The following MIOS variants were observed in gnomAD, a reference collection of about 807,000 sequenced individuals.
MIOS encodes GATOR2 complex protein MIOS.
A neutral mutation model predicts 96.9 loss-of-function variants in MIOS; 52 were observed. The ratio of observed to expected loss-of-function variants is 0.54; its 90% CI spans 0.43 to 0.68. The LOEUF (loss-of-function observed/expected upper bound fraction) is 0.68. MIOS is among the 30% of genes least tolerant of loss of function. The pLI is 0.00. For missense variants in MIOS, 1,005 were observed against 1,052.8 expected (o/e 0.95, Z 0.63); for synonymous variants, 397 against 359.5 (o/e 1.10, Z -1.18).
chr7:7,606,497 T>C (rs771389630), intron 12 of MIOS, among the ~76,000 whole-genome samples: 10 of 152,214 alleles, frequency 6.6e-5, no homozygotes, highest in Non-Finnish European at 1.2e-4. Context: ...TCAAGACATA[T>C]TTGAATTTCA....
intron 6 of MIOS, among the ~76,000 whole-genome samples, chr7:7,585,365 C>A (rs992369965): frequency 6.0e-5 from 9 of 150,120 alleles, no homozygotes; most frequent in African/African-American, 2.0e-4. Flanking sequence ...AAATGTTTTG[C>A]TTATTGTCTT....
intron 5 of MIOS, among the ~76,000 whole-genome samples, chr7:7,579,452 A>AT (rs1184205897): frequency 1.3e-5 from 2 of 152,144 alleles, no homozygotes; most frequent in African/African-American, 4.8e-5. Flanking sequence ...GCCCCATAAG[A>AT]TTTAATACTG....
At chr7:7,585,998 C>G (rs867854057) in intron 7 of MIOS, among the ~76,000 whole-genome samples, 193 bp downstream of exon 7, 20 of 151,810 alleles carry the variant, frequency 1.3e-4, no homozygotes, top group African/African-American at 4.6e-4. Flanking sequence ...AGTTAGTTAA[C>G]TGATACCAAA....
At chr7:7,603,468 T>G (rs986714262) in intron 11 of MIOS, among the ~76,000 whole-genome samples, 16 of 151,092 alleles carry the variant, frequency 1.1e-4, no homozygotes, top group African/African-American at 3.7e-4. Context: ...AAAATGTTCA[T>G]CATCACTGGC....
At chr7:7,568,147 A>G (rs944127601) in intron 3 of MIOS, 24 bp downstream of exon 3, 1 of 152,200 alleles carries the variant, frequency 6.6e-6, no homozygotes, top group Non-Finnish European at 1.5e-5. Context: ...TACAAGCTGT[A>G]ATTATTGCAG....
chr7:7,567,170 G>A (rs1477563319), intron 1 of MIOS, 98 bp downstream of exon 1: 1 of 152,050 alleles, frequency 6.6e-6, no homozygotes, highest in Non-Finnish European at 1.5e-5. Context: ...CGGGCGTCTC[G>A]GCGGGGAGCG....
At chr7:7,597,669 C>T (rs1279770619) in intron 11 of MIOS, among the ~76,000 whole-genome samples, 1 of 150,336 alleles carries the variant, frequency 6.7e-6, no homozygotes, top group African/African-American at 2.4e-5. Flanking sequence ...TATACATATA[C>T]ACACACACAC....
At position 7,573,266 on chromosome 7, in the gene MIOS, C is replaced by A. The variant is rs764149288; in HGVS notation, c.791C>A (p.Thr264Asn). 1.5e-5 allele frequency: 24 copies of A among 1,613,942 alleles called. No homozygotes were observed. Among genetic ancestry groups the A allele is most frequent in the Non-Finnish European group, 1.9e-5 (23 of 1,179,976 alleles). ...RKFEKPVLTL[T>N]EQPKPLTKVA... ...TTTGAGAAGCCAGTTTTGACATTGA[C>A]TGAGCAACCAAAACCCTTAACAAAA... The change falls in exon 4 of 13, where the codon ACT becomes AAT. Residue 264 changes from threonine (T) to asparagine (N), a missense_variant. This residue lies in a region of MIOS where 865 missense variants were observed against 887.9 expected (regional missense o/e 0.97). Transcript: ENST00000340080. The surrounding 1 kb of genome is among the most constrained non-coding windows in gnomAD (Gnocchi z 5.0).
rs1343630548 is a variant in MIOS at position 7,596,301 on chromosome 7, C to A, written c.2241C>A (p.Ser747Arg). 1.2e-6 allele frequency: 2 copies of A among 1,613,984 alleles called. No homozygotes were observed. Among genetic ancestry groups the A allele is most frequent in the African/African-American group, 2.7e-5 (2 of 74,888 alleles). ...TCTGTGGCAAGTCAATCTCCTACAG[C>A]TGTTCAGCTGTGCCTCATCAGGGCA... ...CNFCGKSISY[S>R]CSAVPHQGRG... The change falls in exon 11 of 13, where the codon AGC becomes AGA. Residue 747 changes from serine to arginine, a missense_variant. Coordinates refer to ENST00000340080, the MANE Select transcript of MIOS (RefSeq NM_019005.4).
At chr7:7,581,480 G>A (rs1477064128) in intron 5 of MIOS, among the ~76,000 whole-genome samples, 1 of 151,982 alleles carries the variant, frequency 6.6e-6, no homozygotes, top group Non-Finnish European at 1.5e-5. Flanking sequence ...ATTTCCATGG[G>A]TCAGGAGTCT....
chr7:7,606,409 A>G (rs1201292259), intron 12 of MIOS, among the ~76,000 whole-genome samples: 1 of 152,210 alleles, frequency 6.6e-6, no homozygotes, highest in East Asian at 1.9e-4. Flanking sequence ...TACTAATGAA[A>G]TGTTAAAAGA....
chr7:7,593,961 C>G (rs1210583531), intron 9 of MIOS, among the ~76,000 whole-genome samples: 1 of 151,278 alleles, frequency 6.6e-6, no homozygotes, highest in Non-Finnish European at 1.5e-5. Context: ...TCACAGCTGC[C>G]AGGGAAAATA....
At position 7,572,834 on chromosome 7, in the gene MIOS, C is replaced by T; in HGVS notation, c.359C>T (p.Ala120Val). ...PKHARQCNTL[A>V]WNPLDSNWLA... ...CATGCACGACAATGTAATACCCTTGCCTGGAATCCACTGGATAGTAACTGG... is the reference window on the plus strand; with the variant it reads ...CATGCACGACAATGTAATACCCTTGTCTGGAATCCACTGGATAGTAACTGG... The change falls in exon 4 of 13, where the codon GCC becomes GTC. Residue 120 changes from alanine (A) to valine (V), a missense_variant. Around this residue, in one of 3 missense-constraint regions of MIOS, gnomAD observed 137 missense variants for 148.6 expected, o/e 0.92. Coordinates refer to ENST00000340080, the MANE Select transcript of MIOS (RefSeq NM_019005.4). The surrounding 1 kb of genome is among the most constrained non-coding windows in gnomAD (Gnocchi z 4.8). The T allele has an allele frequency of 6.2e-7, 1 of 1,614,070 alleles. No individual in the cohort carries two copies. The highest frequency in any genetic ancestry group is 8.5e-7 in the Non-Finnish European group (1 of 1,179,982).
At chr7:7,602,822 C>G (rs562028988) in intron 11 of MIOS, among the ~76,000 whole-genome samples, 5 of 152,086 alleles carry the variant, frequency 3.3e-5, no homozygotes, top group African/African-American at 1.2e-4. Context: ...TCAAACTATA[C>G]TACAAGGCTA....
chr7:7,593,325 C>G (rs1784103186), intron 9 of MIOS, among the ~76,000 whole-genome samples: 1 of 152,136 alleles, frequency 6.6e-6, no homozygotes, highest in Admixed American at 6.5e-5. Flanking sequence ...GTAATTAACA[C>G]TGAATTTAAT....
Position 7,605,874 on chromosome 7 carries a change from C to G in MIOS, c.2402-68C>G, listed in dbSNP as rs552030260. 4.8e-6 allele frequency: 7 copies of G among 1,443,602 alleles called. No individual in the cohort carries two copies. In the South Asian group the frequency reaches 5.4e-5, roughly 11 times the overall value. The allele number at this position is 1,443,602 out of a possible 1,614,324, so 89.4% of individuals were successfully genotyped here. On this transcript the variant is annotated intron_variant, in intron 11 of 12. Coordinates refer to ENST00000340080, the MANE Select transcript of MIOS (RefSeq NM_019005.4). ...TATTTGGAACACAGTTTTAGAAATG[C>G]TTTTTGAAAGTAACTTTAAATAAAA...
intron 9 of MIOS, among the ~76,000 whole-genome samples, chr7:7,594,506 G>C (rs545179096): frequency 9.7e-4 from 147 of 152,216 alleles, no homozygotes; most frequent in African/African-American, 3.4e-3. Flanking sequence ...TGTTGGCCAG[G>C]CTGGTCTCGA....
intron 12 of MIOS, among the ~76,000 whole-genome samples, chr7:7,606,710 G>C (rs7805565): frequency 0.96 from 146,426 of 152,306 alleles, 70,479 homozygotes; most frequent in East Asian, 1. Context: ...TTTATAATTT[G>C]ATGCTTTTGA....
chr7:7,582,708 A>T (rs966201114), intron 5 of MIOS: 1 of 760,316 alleles, frequency 1.3e-6, no homozygotes, highest in African/African-American at 1.9e-5. Flanking sequence ...CAGACAAGAC[A>T]CCTGCCCTTT....
Sources: allele counts gnomAD v4.1 joint callset (sites outside exome capture counted in the v4.1 genomes callset), GRCh38; gene constraint gnomAD v4.1.1; regional missense constraint gnomAD v4.1.1; non-coding constraint Gnocchi (gnomAD v3.1); transcripts MANE v1.5; gene names NCBI Gene and HGNC (gene_info 2026-07-23, HGNC 2026-07-21).